The following G2E3 variants were observed in gnomAD, a reference collection of about 807,000 sequenced individuals.
The protein encoded by G2E3 is G2/M-phase specific E3 ubiquitin protein ligase.
G2E3 carries 35 observed loss-of-function variants against 92.8 expected under a neutral mutation model. The observed-to-expected ratio is 0.38, with a 90% CI of 0.29 to 0.50. The LOEUF (loss-of-function observed/expected upper bound fraction) is 0.50, where lower values mean the gene tolerates loss of function less well. Among genes scored for constraint, G2E3 ranks in the 20% least tolerant of loss-of-function variants. The pLI, the probability that G2E3 is intolerant of heterozygous loss-of-function variation, is 0.94. For missense variants in G2E3, 554 were observed against 823.8 expected, an observed-to-expected ratio of 0.67 and a Z score of 4.01; for synonymous variants, 242 against 272.4, an observed-to-expected ratio of 0.89 and a Z score of 1.10.
intron 2 of G2E3, 49 bp from the exon 3 acceptor site, chr14:30,586,669 T>G: frequency 1.6e-6 from 1 of 643,718 alleles, no homozygotes; most frequent in Non-Finnish European, 2.6e-6. Context: ...TAGGGTTTTT[T>G]TGAAATATTT....
intron 1 of G2E3, among the ~76,000 whole-genome samples, chr14:30,563,695 T>TTTTGTGTGTG: frequency 7.1e-6 from 1 of 141,298 alleles, no homozygotes; most frequent in Non-Finnish European, 1.5e-5. Context: ...TTTGTTACTT[T>TTTTGTGTGTG]TGTGTGTGTG....
At chr14:30,586,958 T>C (rs1378180699) in intron 3 of G2E3, 143 bp downstream of exon 3, 1 of 402,872 alleles carries the variant, frequency 2.5e-6, no homozygotes, top group African/African-American at 2.1e-5. Context: ...AGACATTTTG[T>C]TTTTTGATAT....
intron 1 of G2E3, among the ~76,000 whole-genome samples, chr14:30,580,054 G>A (rs917362877): frequency 2.6e-5 from 4 of 152,128 alleles, no homozygotes; most frequent in Admixed American, 6.5e-5. Context: ...AGGAGATAGG[G>A]ACAGACCAAT....
At chr14:30,590,903 AT>A (rs1290733850) in intron 4 of G2E3, 1 of 291,730 alleles carries the variant, frequency 3.4e-6, no homozygotes, top group Non-Finnish European at 6.9e-6. Flanking sequence ...AGAATTTTAG[AT>A]TTGAAATTTT....
At position 30,559,218 on chromosome 14, in the gene G2E3, A is replaced by G. The variant is rs1216032176; in HGVS notation, c.-59A>G. ...TCGCGGTCGGCGTGCCCCGACGTAC[A>G]GCGGGCCGGGAAAAGTGGCACTGAG... On this transcript the variant is annotated 5_prime_UTR_variant, in exon 1 of 15. Coordinates refer to ENST00000206595, the MANE Select transcript of G2E3 (RefSeq NM_017769.5). The G allele has an allele frequency of 6.6e-6, 1 of 152,574 alleles. No individual in the cohort carries two copies. The highest frequency in any genetic ancestry group is 2.4e-5 in the African/African-American group (1 of 41,482). The allele number at this position is 152,574 out of a possible 1,614,324, so 9.5% of individuals were successfully genotyped here.
chr14:30,599,332 G>A (rs1444219488), intron 8 of G2E3, among the ~76,000 whole-genome samples: 2 of 152,020 alleles, frequency 1.3e-5, no homozygotes, highest in Non-Finnish European at 2.9e-5. Flanking sequence ...GGTTCAAGCA[G>A]TTCTCCTGCC....
intron 1 of G2E3, among the ~76,000 whole-genome samples, chr14:30,570,758 T>G (rs1389575710): frequency 6.6e-6 from 1 of 152,142 alleles, no homozygotes; most frequent in Non-Finnish European, 1.5e-5. Flanking sequence ...TTTGCCAGGT[T>G]TTTCTGTGTT....
Position 30,559,784 on chromosome 14 carries a change from A to T in G2E3, c.-5+512A>T, listed in dbSNP as rs1437033118. 4 of 152,192 alleles carry T rather than the reference A, an allele frequency of 2.6e-5. 1 individual carries two copies. Among genetic ancestry groups the T allele is most frequent in the Non-Finnish European group, 5.9e-5 (4 of 68,042 alleles). The allele number at this position is 152,192 out of a possible 1,614,324, so 9.4% of individuals were successfully genotyped here. On this transcript the variant is annotated intron_variant, in intron 1 of 14. Transcript: ENST00000206595. ...GCAACCTTGATTAACTCTGGACTGC[A>T]GGGAAGTGACAGTCTTTGAAATGCC...
chr14:30,567,694 G>A (rs998017273), intron 1 of G2E3, among the ~76,000 whole-genome samples: 3 of 151,520 alleles, frequency 2.0e-5, no homozygotes, highest in Admixed American at 2.0e-4. Flanking sequence ...GTTTAGTTTG[G>A]TCTTTTTCTA....
chr14:30,569,923 C>G lies in G2E3; in HGVS notation c.-5+10651C>G, dbSNP rs12147077. ...ACTCTACTTAGAATGCTTTTTCTGC[C>G]TTGTCTGCTCAGAATATTTATTTTT... is the stretch of plus-strand genomic sequence containing the variant. On this transcript the variant is annotated intron_variant, in intron 1 of 14. Transcript: ENST00000206595. Among the ~76,000 whole-genome samples the G allele has an allele frequency of 5.1e-3, 779 of 152,308 alleles. 2 individuals carry two copies. The highest frequency in any genetic ancestry group is 0.012 in the Admixed American group (181 of 15,294).
At position 30,617,198 on chromosome 14, in the gene G2E3, T is replaced by A. The variant is rs1882352090; in HGVS notation, c.*664T>A. The stretch of plus-strand genomic sequence containing the variant: ...TTGTAATCTCAGTTATAAGGGAGGC[T>A]GAGGTGGGAGAATCGAGATACTCAG... On this transcript the variant is annotated 3_prime_UTR_variant, in exon 15 of 15. Transcript: ENST00000206595. The A allele has an allele frequency of 6.6e-6, 1 of 151,620 alleles. No individual in the cohort carries two copies. Among genetic ancestry groups the A allele is most frequent in the Non-Finnish European group, 1.5e-5 (1 of 67,880 alleles). The allele number at this position is 151,620 out of a possible 1,614,324, so 9.4% of individuals were successfully genotyped here. A position where few individuals can be genotyped will look rare whatever the true frequency, so the allele number is the denominator to read the frequency against.
At chr14:30,560,737 C>T (rs1486150850) in intron 1 of G2E3, 1 of 697,868 alleles carries the variant, frequency 1.4e-6, no homozygotes, top group Admixed American at 2.0e-5. Context: ...TATACACTAC[C>T]TTGAAGGATT....
At chr14:30,563,472 A>G (rs915254131) in intron 1 of G2E3, among the ~76,000 whole-genome samples, 1 of 152,048 alleles carries the variant, frequency 6.6e-6, no homozygotes, top group Non-Finnish European at 1.5e-5. Flanking sequence ...TAGACCATTC[A>G]TGTGATTTCT....
rs1054147010 is a variant in G2E3 at position 30,597,341 on chromosome 14, G to A, written c.529-79G>A. 8 of 775,568 alleles carry A rather than the reference G, an allele frequency of 1.0e-5. No homozygotes were observed. The Admixed American group carries it at 1.7e-4, about 16-fold the overall frequency. 48.0% of individuals were successfully genotyped at this position (775,568 alleles called of 1,614,324 possible). A position where few individuals can be genotyped will look rare whatever the true frequency, so the allele number is the denominator to read the frequency against. ...TTTTCATAATATATTGTTAAAAATA[G>A]CACATGTTCTGTTACATAATATATC... On this transcript the variant is annotated intron_variant, in intron 6 of 14. Transcript: ENST00000206595.
chr14:30,564,009 G>A (rs1250945537), intron 1 of G2E3, among the ~76,000 whole-genome samples: 2 of 152,122 alleles, frequency 1.3e-5, no homozygotes, highest in South Asian at 2.1e-4. Context: ...GTGAGCCACC[G>A]CGCCCAGCCA....
In G2E3 at chr14:30,597,437, G is replaced by A. The variant is rs1399443478; in HGVS notation, c.546G>A (p.Ala182=). ...RDCLQVQAIN[A]GVFFFRCTIC... Reference sequence around the variant, plus strand: ...CACTGTAGGTTCAAGCAATAAATGCGGGAGTGTTTTTCTTTAGGTGTACAA... The same window carrying A: ...CACTGTAGGTTCAAGCAATAAATGCAGGAGTGTTTTTCTTTAGGTGTACAA... The change falls in exon 7 of 15, where the codon GCG becomes GCA. Residue 182 remains alanine, a synonymous_variant. Coordinates refer to ENST00000206595, the MANE Select transcript of G2E3 (RefSeq NM_017769.5). The A allele has an allele frequency of 3.8e-6, 6 of 1,575,380 alleles. No individual in the cohort carries two copies. Among genetic ancestry groups the A allele is most frequent in the African/African-American group, 1.3e-5 (1 of 74,190 alleles).
chr14:30,566,003 ATT>A (rs1879412800), intron 1 of G2E3, among the ~76,000 whole-genome samples: 3 of 152,242 alleles, frequency 2.0e-5, no homozygotes, highest in African/African-American at 7.2e-5. Flanking sequence ...TCCCAGGACC[ATT>A]TGTCGAAGAG....
chr14:30,566,781 T>C (rs1879464106), intron 1 of G2E3, among the ~76,000 whole-genome samples: 1 of 152,206 alleles, frequency 6.6e-6, no homozygotes, highest in South Asian at 2.1e-4. Flanking sequence ...TTCCAGATCT[T>C]AGGTGGAAAG....
chr14:30,569,755 A>G (rs866083049), intron 1 of G2E3, among the ~76,000 whole-genome samples: 3 of 152,076 alleles, frequency 2.0e-5, no homozygotes, highest in Non-Finnish European at 4.4e-5. Flanking sequence ...GGGGGATTAT[A>G]TTACTTACTA....
Sources: gnomAD v4.1 joint callset for allele counts (sites outside exome capture counted in the v4.1 genomes callset) on GRCh38, gnomAD v4.1.1 for gene constraint, MANE v1.5 for transcripts, NCBI Gene and HGNC (gene_info 2026-07-23, HGNC 2026-07-21) for gene names.